Variants in SLC66A1 observed in about 807,000 individuals in gnomAD.
SLC66A1 encodes lysosomal amino acid transporter 1 homolog.
Under a neutral mutation model 33.0 loss-of-function variants are expected in SLC66A1, and 23 were observed. The observed-to-expected ratio is 0.70, with a 90% CI of 0.50 to 0.99. The LOEUF (loss-of-function observed/expected upper bound fraction) is 0.99. Among genes scored for constraint, SLC66A1 ranks in the 50% least tolerant of loss-of-function variants. The probability of loss-of-function intolerance (pLI) is 0.00; values close to 1 mark genes in which losing one functional copy is unlikely to be tolerated. For synonymous variants in SLC66A1, 164 were observed against 175.5 expected, an observed-to-expected ratio of 0.93 and a Z score of 0.52; for missense variants, 335 against 383.6, an observed-to-expected ratio of 0.87 and a Z score of 1.06.
At chr1:19,329,682 A>G (rs1481144784), downstream of SLC66A1, among the ~76,000 whole-genome samples, 2 of 152,244 alleles carry the variant, frequency 1.3e-5, no homozygotes, top group East Asian at 3.8e-4. Context: ...CAAGGATTAC[A>G]TAAGATGCTG....
At chr1:19,333,734 G>A (rs374688904), downstream of SLC66A1, among the ~76,000 whole-genome samples, 24 of 152,254 alleles carry the variant, frequency 1.6e-4, 2 homozygotes, top group Non-Finnish European at 1.2e-4. This position sits in a 1 kb window ranked among gnomAD's most constrained non-coding sequence, Gnocchi z 4.2. Flanking sequence ...GGTGGATTGC[G>A]TAAGCTGAGT....
chr1:19,327,249 G>A lies in SLC66A1; in HGVS notation c.641G>A (p.Gly214Glu). The change falls in exon 7 of 8, where the codon GGG (glycine) becomes GAG (glutamate). Residue 214 changes from glycine to glutamate, a missense_variant. Physicochemically the swap from Gly to Glu is moderately conservative, Grantham distance 98. Transcript: ENST00000375153. ...CAGTTCCTCCGGAAGTCCACCCAGG[G>A]GATCTCCTACTCTCTGTTCGCGCTG... ...RTNFLRKSTQ[G>E]ISYSLFALVM... The A allele has an allele frequency of 5.6e-6, 9 of 1,613,874 alleles. No individual in the cohort carries two copies. The highest frequency in any genetic ancestry group is 7.6e-6 in the Non-Finnish European group (9 of 1,179,888).
chr1:19,320,899 G>A lies in SLC66A1; in HGVS notation c.164+3058G>A, dbSNP rs539789224. On this transcript the variant is annotated intron_variant, in intron 2 of 7. Coordinates refer to ENST00000375153, the MANE Select transcript of SLC66A1 (RefSeq NM_001040125.2). ...AGCTAATTTTTGTATTTTTAGTAGA[G>A]ACAGGGTTACACCATGTTGGCCAGG... Among the ~76,000 whole-genome samples the A allele has an allele frequency of 2.9e-4, 43 of 149,522 alleles. 1 individual carries two copies. Among genetic ancestry groups the A allele is most frequent in the Non-Finnish European group, 5.6e-4 (38 of 67,992 alleles).
intron 2 of SLC66A1, among the ~76,000 whole-genome samples, chr1:19,322,574 AGGGAC>A (rs1341758827): frequency 1.3e-5 from 2 of 152,152 alleles, no homozygotes; most frequent in African/African-American, 4.8e-5. Context: ...GGAATCTGGG[AGGGAC>A]GGGGATGTCA....
downstream of SLC66A1, among the ~76,000 whole-genome samples, chr1:19,332,023 C>T (rs996009130): frequency 1.1e-4 from 16 of 152,190 alleles, no homozygotes; most frequent in African/African-American, 3.9e-4. Flanking sequence ...GATACAGCCC[C>T]TACCTTCAGA....
chr1:19,317,283 A>T (rs2093811060), intron 1 of SLC66A1, among the ~76,000 whole-genome samples: 1 of 152,208 alleles, frequency 6.6e-6, no homozygotes, highest in Non-Finnish European at 1.5e-5. Context: ...TTTACAGATG[A>T]GAGGGCTCAG....
intron 2 of SLC66A1, among the ~76,000 whole-genome samples, chr1:19,319,489 G>A (rs1036453111): frequency 6.6e-6 from 1 of 152,010 alleles, no homozygotes; most frequent in African/African-American, 2.4e-5. Context: ...CCTTTTTGTG[G>A]CCGAATACTG....
chr1:19,333,101 G>T (rs997625974), downstream of SLC66A1, among the ~76,000 whole-genome samples: 2 of 152,190 alleles, frequency 1.3e-5, no homozygotes, highest in South Asian at 4.1e-4. This position sits in a 1 kb window ranked among gnomAD's most constrained non-coding sequence, Gnocchi z 4.2. Flanking sequence ...AGCTGGTGGC[G>T]TTCTCCAGCA....
At chr1:19,326,900 G>T (rs2093870713) in intron 6 of SLC66A1, among the ~76,000 whole-genome samples, 1 of 152,182 alleles carries the variant, frequency 6.6e-6, no homozygotes, top group South Asian at 2.1e-4. Context: ...GAGCTTGGAG[G>T]CCTGAGGGGA....
At chr1:19,330,954 G>A (rs1247499925), downstream of SLC66A1, among the ~76,000 whole-genome samples, 1 of 152,172 alleles carries the variant, frequency 6.6e-6, no homozygotes, top group Non-Finnish European at 1.5e-5. Context: ...TGCGGGCTGC[G>A]CCGCCTGCCA....
chr1:19,327,535 C>CCCT, intron 7 of SLC66A1, 123 bp downstream of exon 7: 1 of 943,752 alleles, frequency 1.1e-6, no homozygotes, highest in East Asian at 2.8e-5. Context: ...ATCCATCCCT[C>CCCT]CCTCCCTCCC....
intron 1 of SLC66A1, chr1:19,313,329 C>A: frequency 1.4e-6 from 1 of 704,706 alleles, no homozygotes; most frequent in Non-Finnish European, 1.7e-6. Context: ...TCTCCTTTCT[C>A]ACCCGTTTCC....
At chr1:19,327,592 C>G (rs544475198) in intron 7 of SLC66A1, 180 bp downstream of exon 7, 206 of 816,782 alleles carry the variant, frequency 2.5e-4, no homozygotes, top group Non-Finnish European at 3.8e-4. Context: ...TCCTGTGTGC[C>G]AGGCACCCAG....
chr1:19,333,115 C>T (rs1469734812), downstream of SLC66A1, among the ~76,000 whole-genome samples: 1 of 152,224 alleles, frequency 6.6e-6, no homozygotes, highest in Non-Finnish European at 1.5e-5. This position sits in a 1 kb window ranked among gnomAD's most constrained non-coding sequence, Gnocchi z 4.2. Flanking sequence ...TCCAGCAAAG[C>T]AGAAGGGATG....
In SLC66A1 at chr1:19,321,942, G is replaced by A. The variant is rs577444913; in HGVS notation, c.165-2691G>A. Reference sequence around the variant, plus strand: ...GATTTCTCTGGGCACCCTATCAGAGGCTTGATGTTTTTACTGAGTTACCTT... The same window carrying A: ...GATTTCTCTGGGCACCCTATCAGAGACTTGATGTTTTTACTGAGTTACCTT... On this transcript the variant is annotated intron_variant, in intron 2 of 7. Transcript: ENST00000375153. Among the ~76,000 whole-genome samples, 5 of 152,324 alleles carry A rather than the reference G, an allele frequency of 3.3e-5. No individual in the cohort carries two copies. In the South Asian group the frequency reaches 6.2e-4, roughly 19 times the overall value.
chr1:19,326,356 G>A lies in SLC66A1; in HGVS notation c.494G>A (p.Arg165Gln), dbSNP rs763043438. The change falls in exon 5 of 8, where the codon CGG becomes CAG. Residue 165 changes from arginine to glutamine, a missense_variant. Arg to Gln is a conservative substitution (Grantham distance 43). Transcript: ENST00000375153. ...GCCCCTAGGGAAGCCTTCCGGGGGC[G>A]GGCGCTCCTGTCCGTGGAGTCGGGC... is the stretch of plus-strand genomic sequence containing the variant. ...VAAPREAFRG[R>Q]ALLSVESGSK... 17 of 1,606,184 alleles carry A rather than the reference G, an allele frequency of 1.1e-5. No individual in the cohort carries two copies. Among genetic ancestry groups the A allele is most frequent in the Admixed American group, 1.7e-5 (1 of 59,860 alleles).
At chr1:19,313,104 T>A (rs976581438) in intron 1 of SLC66A1, 17 of 702,484 alleles carry the variant, frequency 2.4e-5, no homozygotes, top group Non-Finnish European at 3.0e-5. Flanking sequence ...CTGGATTGTC[T>A]CATTTAACTC....
chr1:19,333,538 C>T (rs1467494334), downstream of SLC66A1, among the ~76,000 whole-genome samples: 1 of 152,144 alleles, frequency 6.6e-6, no homozygotes, highest in Non-Finnish European at 1.5e-5. This position sits in a 1 kb window ranked among gnomAD's most constrained non-coding sequence, Gnocchi z 4.2. Context: ...CAACCTTCAC[C>T]ACTCTCCACC....
chr1:19,333,820 C>T (rs2093898115), downstream of SLC66A1, among the ~76,000 whole-genome samples: 1 of 152,130 alleles, frequency 6.6e-6, no homozygotes, highest in Admixed American at 6.6e-5. This position sits in a 1 kb window ranked among gnomAD's most constrained non-coding sequence, Gnocchi z 4.2. Flanking sequence ...GGGAGGATTG[C>T]TTGGGCCCTG....
Sources: gnomAD v4.1 joint callset for allele counts (sites outside exome capture counted in the v4.1 genomes callset) on GRCh38, gnomAD v4.1.1 for gene constraint, Gnocchi (gnomAD v3.1) non-coding constraint, MANE v1.5 for transcripts, NCBI Gene and HGNC (gene_info 2026-07-23, HGNC 2026-07-21) for gene names.